The following HIVEP2 variants were observed in gnomAD, a reference collection of about 807,000 sequenced individuals.
The protein encoded by HIVEP2 is HIVEP zinc finger 2.
In HIVEP2, 14 loss-of-function variants were observed where a neutral mutation model predicts 180.7. The ratio of observed to expected loss-of-function variants is 0.08; its 90% CI spans 0.05 to 0.12. The LOEUF (loss-of-function observed/expected upper bound fraction) is 0.12, where lower values mean the gene tolerates loss of function less well. HIVEP2 is among the 10% of genes least tolerant of loss of function. The pLI is 1.00. For synonymous variants in HIVEP2, 1,184 were observed against 1,136.4 expected (o/e 1.04, Z -0.84); for missense variants, 2,579 against 3,008.5 (o/e 0.86, Z 3.34).
intron 1 of HIVEP2, among the ~76,000 whole-genome samples, chr6:142,938,203 T>G (rs1179793753): frequency 6.6e-6 from 1 of 152,194 alleles, no homozygotes; most frequent in Non-Finnish European, 1.5e-5. Flanking sequence ...GACTAGATCT[T>G]GCGTCCCTCC....
chr6:142,845,957 C>T (rs535450371), intron 1 of HIVEP2, among the ~76,000 whole-genome samples: 2 of 152,320 alleles, frequency 1.3e-5, no homozygotes, highest in Admixed American at 6.5e-5. Flanking sequence ...CTCCCCCTGC[C>T]GCAGGACGAT....
intron 2 of HIVEP2, among the ~76,000 whole-genome samples, chr6:142,833,422 C>T (rs1418036488): frequency 1.3e-5 from 2 of 152,210 alleles, no homozygotes; most frequent in African/African-American, 4.8e-5. Flanking sequence ...ACACAGCCAT[C>T]CTATACTGCA....
intron 1 of HIVEP2, among the ~76,000 whole-genome samples, chr6:142,915,180 G>A (rs1179774203): frequency 6.6e-6 from 1 of 152,136 alleles, no homozygotes; most frequent in African/African-American, 2.4e-5. Context: ...CTTGTTATGT[G>A]TGGAATTGTG....
At chr6:142,810,306 T>G (rs1345963514) in intron 2 of HIVEP2, among the ~76,000 whole-genome samples, 3 of 152,346 alleles carry the variant, frequency 2.0e-5, no homozygotes, top group Non-Finnish European at 2.9e-5. Context: ...AATTATAGTG[T>G]ATTTTTACAA....
At chr6:142,799,894 C>T (rs1057293106) in intron 2 of HIVEP2, among the ~76,000 whole-genome samples, 71 of 152,148 alleles carry the variant, frequency 4.7e-4, no homozygotes, top group African/African-American at 1.6e-3. Flanking sequence ...TGAAATTTTC[C>T]TTGCTCATTT....
chr6:142,785,624 C>A (rs1775980741), intron 2 of HIVEP2, among the ~76,000 whole-genome samples: 1 of 152,174 alleles, frequency 6.6e-6, no homozygotes, highest in African/African-American at 2.4e-5. Flanking sequence ...ACGTGAGTGC[C>A]CCCCAACAAG....
chr6:142,839,830 C>T (rs1775318078), intron 1 of HIVEP2, among the ~76,000 whole-genome samples: 1 of 152,104 alleles, frequency 6.6e-6, no homozygotes, highest in Non-Finnish European at 1.5e-5. Flanking sequence ...AAACACTCTC[C>T]TTTCATTGAC....
intron 1 of HIVEP2, among the ~76,000 whole-genome samples, chr6:142,854,038 G>A (rs1422183473): frequency 6.6e-6 from 1 of 152,174 alleles, no homozygotes; most frequent in Non-Finnish European, 1.5e-5. Flanking sequence ...GTCACATAAT[G>A]TTCTCAGTCT....
chr6:142,859,834 C>CAAAA (rs56853043), intron 1 of HIVEP2, among the ~76,000 whole-genome samples: 16 of 73,604 alleles, frequency 2.2e-4, no homozygotes, highest in East Asian at 6.5e-4. Flanking sequence ...AACTCCGTCT[C>CAAAA]AAAAAAAAAA....
chr6:142,833,422 C>G (rs1418036488), intron 2 of HIVEP2, among the ~76,000 whole-genome samples: 1 of 152,092 alleles, frequency 6.6e-6, no homozygotes, highest in Non-Finnish European at 1.5e-5. Flanking sequence ...ACACAGCCAT[C>G]CTATACTGCA....
At chr6:142,914,974 T>TC (rs1017703727) in intron 1 of HIVEP2, among the ~76,000 whole-genome samples, 80 of 152,290 alleles carry the variant, frequency 5.3e-4, no homozygotes, top group African/African-American at 1.9e-3. Context: ...GAACTGTTTT[T>TC]CCCCACTATT....
At chr6:142,847,406 T>C (rs981178246) in intron 1 of HIVEP2, among the ~76,000 whole-genome samples, 10 of 150,904 alleles carry the variant, frequency 6.6e-5, no homozygotes, top group Admixed American at 2.6e-4. Flanking sequence ...CTCTGAAATA[T>C]GAAGCCATGA....
chr6:142,783,126 G>A (rs190222475), intron 3 of HIVEP2, among the ~76,000 whole-genome samples: 9 of 151,926 alleles, frequency 5.9e-5, no homozygotes, highest in Admixed American at 3.3e-4. Context: ...TCAAGAGATC[G>A]AGACCATCCT....
chr6:142,842,522 A>C (rs1018061748), intron 1 of HIVEP2, among the ~76,000 whole-genome samples: 2 of 152,102 alleles, frequency 1.3e-5, no homozygotes, highest in African/African-American at 4.8e-5. Flanking sequence ...AAGAACTGAA[A>C]CTGTTTGCCA....
intron 1 of HIVEP2, among the ~76,000 whole-genome samples, chr6:142,903,592 G>A (rs1030344804): frequency 6.6e-6 from 1 of 152,022 alleles, no homozygotes; most frequent in African/African-American, 2.4e-5. Context: ...ATAAATTAAT[G>A]TACCAGTACC....
intron 7 of HIVEP2, among the ~76,000 whole-genome samples, chr6:142,761,989 C>T (rs1385682796): frequency 6.6e-6 from 1 of 152,180 alleles, no homozygotes; most frequent in Non-Finnish European, 1.5e-5. Context: ...ATTCTCAACA[C>T]ACCCACTGGG....
intron 1 of HIVEP2, among the ~76,000 whole-genome samples, chr6:142,926,056 A>G (rs182217270): frequency 3.3e-5 from 5 of 152,364 alleles, no homozygotes; most frequent in Admixed American, 2.6e-4. Context: ...GATTCAAGTT[A>G]CTAAATTATA....
intron 1 of HIVEP2, among the ~76,000 whole-genome samples, chr6:142,853,538 C>A (rs186334003): frequency 6.6e-6 from 1 of 152,270 alleles, no homozygotes; most frequent in East Asian, 1.9e-4. Flanking sequence ...GCCTGTATAA[C>A]CTGATTTAGA....
Position 142,774,796 on chromosome 6 carries a change from T to A in HIVEP2, c.-58A>T. The A allele has an allele frequency of 6.4e-7, 1 of 1,568,434 alleles. No individual in the cohort carries two copies. The highest frequency in any genetic ancestry group is 1.8e-5 in the Admixed American group (1 of 55,190). On this transcript the variant is annotated 5_prime_UTR_variant, in exon 5 of 10. Transcript: ENST00000367603. The surrounding 1 kb of genome is among the most constrained non-coding windows in gnomAD (Gnocchi z 5.1). ...CTGAAAGCAGTGCAGACTCATGGAG[T>A]GTCTCCAAAGCTGTGCTTCTTAAAG...
Sources: gnomAD v4.1 joint callset for allele counts (sites outside exome capture counted in the v4.1 genomes callset) on GRCh38, gnomAD v4.1.1 for gene constraint, Gnocchi (gnomAD v3.1) non-coding constraint, MANE v1.5 for transcripts, NCBI Gene and HGNC (gene_info 2026-07-23, HGNC 2026-07-21) for gene names.